Variants in SLC24A2 observed in about 807,000 individuals in gnomAD.
SLC24A2 encodes the protein solute carrier family 24 member 2.
In SLC24A2, 36 loss-of-function variants were observed where a neutral mutation model predicts 62.0. That is an observed-to-expected ratio of 0.58 (90% CI 0.44 to 0.77). SLC24A2 has a LOEUF of 0.77. SLC24A2 is among the 30% of genes least tolerant of loss of function. SLC24A2 has a pLI of 0.00. For synonymous variants in SLC24A2, 358 were observed against 294.0 expected (o/e 1.22, Z -2.23); for missense variants, 846 against 817.9 (o/e 1.03, Z -0.42).
At chr9:19,933,362 C>A in the SLC24A2 span, among the ~76,000 whole-genome samples, 1 of 152,230 alleles carries the variant, frequency 6.6e-6, no homozygotes, top group Non-Finnish European at 1.5e-5. Flanking sequence ...CTTCTGATAT[C>A]ATCACTTAAG....
chr9:20,077,314 T>G, the SLC24A2 span, among the ~76,000 whole-genome samples: 1 of 152,196 alleles, frequency 6.6e-6, no homozygotes, highest in African/African-American at 2.4e-5. Flanking sequence ...AAAAAGTAAC[T>G]ATGTGAGATG....
the SLC24A2 span, among the ~76,000 whole-genome samples, chr9:19,883,582 T>G: frequency 6.9e-6 from 1 of 145,620 alleles, no homozygotes; most frequent in African/African-American, 2.6e-5. Flanking sequence ...TTTTTTTTTT[T>G]TGAGATGGAG....
At chr9:19,895,365 G>A in the SLC24A2 span, among the ~76,000 whole-genome samples, 2 of 151,942 alleles carry the variant, frequency 1.3e-5, no homozygotes, top group African/African-American at 2.4e-5. Flanking sequence ...ACACCGGAGA[G>A]CCCAAAGCTG....
intron 2 of SLC24A2, among the ~76,000 whole-genome samples, chr9:19,694,410 G>T (rs1303900242): frequency 6.6e-6 from 1 of 152,082 alleles, no homozygotes; most frequent in Admixed American, 6.6e-5. Context: ...TTGTTAACCG[G>T]AGAAGAGGAA....
the SLC24A2 span, among the ~76,000 whole-genome samples, chr9:20,039,616 A>G: frequency 6.6e-6 from 1 of 152,058 alleles, no homozygotes; most frequent in Non-Finnish European, 1.5e-5. Flanking sequence ...GTTTCGGGAC[A>G]TGTTTCCACT....
chr9:19,987,715 T>A, the SLC24A2 span, among the ~76,000 whole-genome samples: 1 of 152,208 alleles, frequency 6.6e-6, no homozygotes, highest in South Asian at 2.1e-4. Flanking sequence ...CTGAGGAAAC[T>A]GTTAGCCTGA....
chr9:19,562,236 A>T (rs1017088500), intron 7 of SLC24A2, among the ~76,000 whole-genome samples: 1 of 152,254 alleles, frequency 6.6e-6, no homozygotes, highest in Non-Finnish European at 1.5e-5. Flanking sequence ...CTGGAGAAAC[A>T]TAAAAAATAA....
At position 19,786,922 on chromosome 9, in the gene SLC24A2, T is replaced by C; in HGVS notation, c.-56A>G. The C allele has an allele frequency of 1.0e-5, 16 of 1,592,346 alleles. No homozygotes were observed. Among genetic ancestry groups the C allele is most frequent in the Non-Finnish European group, 1.4e-5 (16 of 1,176,668 alleles). ...CCAACTTTAGACTCAACCAGATGGT[T>C]CTTTCATACTTTTCCTTACTTTATA... On this transcript the variant is annotated 5_prime_UTR_variant, in exon 2 of 11. Transcript: ENST00000341998. This position sits in a 1 kb window ranked among gnomAD's most constrained non-coding sequence, Gnocchi z 5.0.
At chr9:20,055,707 G>A in the SLC24A2 span, among the ~76,000 whole-genome samples, 163 of 152,188 alleles carry the variant, frequency 1.1e-3, 5 homozygotes, top group East Asian at 0.028. Context: ...GGGCAACATG[G>A]TGAAAAACAA....
chr9:20,155,655 A>C, the SLC24A2 span, among the ~76,000 whole-genome samples: 2 of 151,986 alleles, frequency 1.3e-5, no homozygotes, highest in East Asian at 3.9e-4. Context: ...AGGCATGGAA[A>C]GAAAATTAAG....
chr9:19,820,892 C>T, the SLC24A2 span, among the ~76,000 whole-genome samples: 8 of 152,052 alleles, frequency 5.3e-5, no homozygotes, highest in Admixed American at 1.3e-4. Context: ...ATGTTTTCTG[C>T]AATATCAAGG....
At chr9:20,026,895 T>C in the SLC24A2 span, among the ~76,000 whole-genome samples, 4 of 152,110 alleles carry the variant, frequency 2.6e-5, no homozygotes, top group African/African-American at 9.7e-5. Context: ...ATTTGCAGAA[T>C]GAGAGAAAAT....
chr9:20,138,180 T>C, the SLC24A2 span, among the ~76,000 whole-genome samples: 1 of 152,180 alleles, frequency 6.6e-6, no homozygotes, highest in African/African-American at 2.4e-5. Context: ...AAATTTGATT[T>C]CTCAAAGATG....
At chr9:19,863,517 C>A in the SLC24A2 span, among the ~76,000 whole-genome samples, 1 of 151,940 alleles carries the variant, frequency 6.6e-6, no homozygotes, top group Non-Finnish European at 1.5e-5. Flanking sequence ...TATCAAGCAT[C>A]CTCTGACCAT....
chr9:19,788,872 C>T lies in SLC24A2; in HGVS notation c.-154+13G>A, dbSNP rs1056015598. ...GCTACAGCGGCAGGCGGGGCGCAGC[C>T]GCCCGCACTTACCAGGATAAGATGG... On this transcript the variant is annotated intron_variant, in intron 1 of 10. Transcript: ENST00000341998. 3.0e-6 allele frequency: 3 copies of T among 985,292 alleles called. No homozygotes were observed. In the South Asian group the frequency reaches 1.4e-4, roughly 46 times the overall value. The allele number at this position is 985,292 out of a possible 1,614,324, so 61.0% of individuals were successfully genotyped here.
chr9:20,118,146 G>T, the SLC24A2 span, among the ~76,000 whole-genome samples: 2 of 151,992 alleles, frequency 1.3e-5, no homozygotes, highest in Non-Finnish European at 2.9e-5. Context: ...TGGCTCATAG[G>T]CGACTTATCT....
chr9:19,943,819 T>G, the SLC24A2 span, among the ~76,000 whole-genome samples: 1 of 152,202 alleles, frequency 6.6e-6, no homozygotes, highest in Non-Finnish European at 1.5e-5. Flanking sequence ...CTCCAACTTA[T>G]CTCTTCATTC....
intron 1 of SLC24A2, among the ~76,000 whole-genome samples, chr9:19,787,765 TAGGC>T (rs1823219473): frequency 1.3e-5 from 2 of 152,218 alleles, no homozygotes; most frequent in Admixed American, 6.5e-5. Context: ...ATATTTAAAA[TAGGC>T]AGCTTAGTAA....
the SLC24A2 span, among the ~76,000 whole-genome samples, chr9:20,168,145 TTATGTA>T: frequency 2.0e-4 from 31 of 152,014 alleles, no homozygotes; most frequent in African/African-American, 7.0e-4. Flanking sequence ...CAATCTATAC[TTATGTA>T]TGTCTATCAG....
Sources: gnomAD v4.1 joint callset for allele counts (sites outside exome capture counted in the v4.1 genomes callset) on GRCh38, gnomAD v4.1.1 for gene constraint, Gnocchi (gnomAD v3.1) non-coding constraint, MANE v1.5 for transcripts, NCBI Gene and HGNC (gene_info 2026-07-23, HGNC 2026-07-21) for gene names.